Variants in DCLK2 observed in about 807,000 individuals in gnomAD.
The protein encoded by DCLK2 is serine/threonine-protein kinase DCLK2.
A neutral mutation model predicts 78.4 loss-of-function variants in DCLK2; 31 were observed. The observed-to-expected ratio is 0.40, with a 90% confidence interval of 0.30 to 0.53. The LOEUF is 0.53. Ranked by LOEUF, DCLK2 falls within the 20% of genes least tolerant of loss-of-function variation. DCLK2 has a pLI of 0.61. For synonymous variants in DCLK2, 407 were observed against 374.9 expected, an observed-to-expected ratio of 1.09 and a Z score of -0.99; for missense variants, 872 against 973.7, an observed-to-expected ratio of 0.90 and a Z score of 1.39.
At chr4:150,139,629 G>A (rs866506749) in intron 2 of DCLK2, among the ~76,000 whole-genome samples, 3 of 152,198 alleles carry the variant, frequency 2.0e-5, no homozygotes, top group Non-Finnish European at 1.5e-5. Context: ...AAGCCTGAAA[G>A]GGTCCTTTCT....
chr4:150,168,502 C>T (rs149933910), intron 2 of DCLK2, among the ~76,000 whole-genome samples: 238 of 152,296 alleles, frequency 1.6e-3, no homozygotes, highest in Middle Eastern at 0.014. Context: ...GCCTTGGTCT[C>T]TCCTTCTGCC....
intron 2 of DCLK2, among the ~76,000 whole-genome samples, chr4:150,133,166 C>T (rs1463111594): frequency 3.9e-5 from 6 of 152,182 alleles, no homozygotes; most frequent in Non-Finnish European, 7.3e-5. Flanking sequence ...CCATTTTAAA[C>T]AGCTAAATCA....
At chr4:150,179,485 A>G (rs1284629912) in intron 2 of DCLK2, among the ~76,000 whole-genome samples, 1 of 152,218 alleles carries the variant, frequency 6.6e-6, no homozygotes, top group African/African-American at 2.4e-5. Flanking sequence ...TAAGTATAGA[A>G]TTAACCAACC....
intron 2 of DCLK2, 57 bp from the exon 3 acceptor site, chr4:150,193,081 T>C (rs1177841501): frequency 1.9e-6 from 2 of 1,077,512 alleles, no homozygotes; most frequent in Non-Finnish European, 2.8e-6. Context: ...TAGTTTTGCT[T>C]TTCATTTCAC....
chr4:150,089,945 C>T (rs1729931235), intron 1 of DCLK2, among the ~76,000 whole-genome samples: 1 of 152,200 alleles, frequency 6.6e-6, no homozygotes, highest in Admixed American at 6.5e-5. Context: ...CTCGCCTTAA[C>T]TTGCTGTGAA....
chr4:150,205,927 G>A (rs909028083), intron 5 of DCLK2, among the ~76,000 whole-genome samples: 2 of 152,164 alleles, frequency 1.3e-5, no homozygotes, highest in African/African-American at 4.8e-5. Context: ...GGACCGCTTT[G>A]GGGGATCAGA....
chr4:150,255,760 G>A (rs905894309), intron 15 of DCLK2, among the ~76,000 whole-genome samples: 1 of 152,204 alleles, frequency 6.6e-6, no homozygotes, highest in Non-Finnish European at 1.5e-5. Context: ...ACAGCCCAAA[G>A]CGAGAGAAGA....
chr4:150,120,954 C>T (rs1732489357), intron 2 of DCLK2, among the ~76,000 whole-genome samples: 1 of 151,968 alleles, frequency 6.6e-6, no homozygotes, highest in African/African-American at 2.4e-5. Flanking sequence ...ACCTGTAATC[C>T]CAGCTACTTG....
intron 1 of DCLK2, among the ~76,000 whole-genome samples, chr4:150,097,648 G>A (rs907546340): frequency 6.6e-6 from 1 of 152,210 alleles, no homozygotes; most frequent in Non-Finnish European, 1.5e-5. Context: ...GACATCAAAG[G>A]TAAAAAGCCA....
At chr4:150,222,773 C>T (rs956263034) in intron 7 of DCLK2, among the ~76,000 whole-genome samples, 46 of 151,256 alleles carry the variant, frequency 3.0e-4, no homozygotes, top group Admixed American at 1.6e-3. Flanking sequence ...AGCTGAGGCA[C>T]GAGAATCACT....
intron 5 of DCLK2, among the ~76,000 whole-genome samples, chr4:150,207,526 C>T (rs543745005): frequency 3.0e-4 from 46 of 152,310 alleles, no homozygotes; most frequent in African/African-American, 1.1e-3. Context: ...CCACCCTCCT[C>T]TCCACAAAAT....
At chr4:150,098,820 T>C (rs1023967670) in intron 1 of DCLK2, among the ~76,000 whole-genome samples, 4 of 151,348 alleles carry the variant, frequency 2.6e-5, no homozygotes, top group African/African-American at 9.7e-5. Context: ...CTCAGCCTAC[T>C]GAGTAGCTGG....
At chr4:150,254,092 C>T (rs541945387) in intron 15 of DCLK2, among the ~76,000 whole-genome samples, 18 of 152,324 alleles carry the variant, frequency 1.2e-4, no homozygotes, top group Admixed American at 4.6e-4. Context: ...GCATGCAGGA[C>T]GGCCTCCCAT....
rs78016922 is a variant in DCLK2, at chr4:150,176,801, T to G, written c.757-16337T>G. ...ACATGAGTAGCATTCTTGCCCAGAC[T>G]TGTGGCCCCAGGGAGGGGATGGTTA... On this transcript the variant is annotated intron_variant, in intron 2 of 15. Coordinates refer to ENST00000296550, the MANE Select transcript of DCLK2 (RefSeq NM_001040260.4). 1.3e-3 allele frequency among the ~76,000 whole-genome samples: 195 copies of G among 152,314 alleles called. 3 individuals are homozygous for G. In the East Asian group the frequency reaches 0.019, roughly 15 times the overall value.
intron 2 of DCLK2, among the ~76,000 whole-genome samples, chr4:150,144,581 C>T (rs578022756): frequency 2.4e-4 from 37 of 152,032 alleles, no homozygotes; most frequent in Admixed American, 1.4e-3. Context: ...GGGCTCCATA[C>T]GAGCTTTAGG....
At chr4:150,150,685 G>C (rs1370705125) in intron 2 of DCLK2, among the ~76,000 whole-genome samples, 1 of 152,110 alleles carries the variant, frequency 6.6e-6, no homozygotes. Flanking sequence ...AGCACTCTTG[G>C]ACATGTTGTT....
intron 14 of DCLK2, among the ~76,000 whole-genome samples, chr4:150,249,061 A>G (rs1743545529): frequency 6.6e-6 from 1 of 152,020 alleles, no homozygotes. Context: ...CCCACCCACC[A>G]TCCAGGTGCA....
chr4:150,155,987 G>A (rs750847963), intron 2 of DCLK2, among the ~76,000 whole-genome samples: 2 of 152,088 alleles, frequency 1.3e-5, no homozygotes, highest in Non-Finnish European at 2.9e-5. Context: ...AGTGGCCTGG[G>A]TAGTCAGGAA....
intron 2 of DCLK2, among the ~76,000 whole-genome samples, chr4:150,105,780 T>C (rs1337884998): frequency 6.6e-6 from 1 of 152,076 alleles, no homozygotes; most frequent in Non-Finnish European, 1.5e-5. Context: ...TTTAAAGACA[T>C]GAGAAAATGT....
Sources: gnomAD v4.1 joint callset for allele counts (sites outside exome capture counted in the v4.1 genomes callset) on GRCh38, gnomAD v4.1.1 for gene constraint, MANE v1.5 for transcripts, NCBI Gene and HGNC (gene_info 2026-07-23, HGNC 2026-07-21) for gene names.